The following NT5DC2 variants were observed in gnomAD, a reference collection of about 807,000 sequenced individuals.
NT5DC2 encodes the protein 5'-nucleotidase domain-containing protein 2.
In NT5DC2, 41 loss-of-function variants were observed where a neutral mutation model predicts 70.0. That is an observed-to-expected ratio of 0.59 (90% CI 0.46 to 0.76). The LOEUF (loss-of-function observed/expected upper bound fraction) is 0.76. NT5DC2 is among the 30% of genes least tolerant of loss of function. The pLI, the probability that NT5DC2 is intolerant of heterozygous loss-of-function variation, is 0.00. For missense variants in NT5DC2, 705 were observed against 783.2 expected, an observed-to-expected ratio of 0.90 and a Z score of 1.19; for synonymous variants, 299 against 310.4, an observed-to-expected ratio of 0.96 and a Z score of 0.39.
In NT5DC2 at chr3:52,529,109, C is replaced by T; in HGVS notation, c.417+41G>A. ...AGGCCAAGGTGGGTCTGGCCAGCCTCCAAGCCCTGGGTTTGTTGGTGGCAA... is the reference window on the plus strand; with the variant it reads ...AGGCCAAGGTGGGTCTGGCCAGCCTTCAAGCCCTGGGTTTGTTGGTGGCAA... On this transcript the variant is annotated intron_variant, in intron 2 of 13. Coordinates refer to ENST00000422318, the MANE Select transcript of NT5DC2 (RefSeq NM_001134231.2). The surrounding 1 kb of genome is among the most constrained non-coding windows in gnomAD (Gnocchi z 4.1). 6.2e-7 allele frequency: 1 copy of T among 1,612,756 alleles called. No homozygotes were observed. Among genetic ancestry groups the T allele is most frequent in the Non-Finnish European group, 8.5e-7 (1 of 1,179,064 alleles).
chr3:52,534,717 G>T, upstream of NT5DC2: 4 of 1,552,956 alleles, frequency 2.6e-6, no homozygotes, highest in South Asian at 3.7e-5. Context: ...GGGTCCGGAG[G>T]AGGCCGACCC....
intron 7 of NT5DC2, 32 bp downstream of exon 7, chr3:52,527,981 C>T (rs994188437): frequency 6.2e-7 from 1 of 1,613,172 alleles, no homozygotes; most frequent in Non-Finnish European, 8.5e-7. Flanking sequence ...CCTGCTCAGG[C>T]CGGCCACGGC....
Position 52,524,990 on chromosome 3 carries a change from C to T in NT5DC2, c.1320G>A (p.Ala440=), listed in dbSNP as rs1222591362. 8 of 1,610,700 alleles carry T rather than the reference C, an allele frequency of 5.0e-6. No individual in the cohort carries two copies. The highest frequency in any genetic ancestry group is 1.7e-5 in the Admixed American group (1 of 59,888). The part of the protein sequence containing the change: ...QYMHSLTWQQ[A]LTGLLERMQT... ...GCATGCGCTCCAGCAGCCCCGTGAG[C>T]GCCTGCTGCCACGTCAGCGAGTGCA... The change falls in exon 12 of 14, where the codon GCG becomes GCA. Residue 440 remains alanine (A), a synonymous_variant. Transcript: ENST00000422318.
intron 10 of NT5DC2, 66 bp from the exon 11 acceptor site, chr3:52,525,361 A>G: frequency 7.5e-7 from 1 of 1,325,768 alleles, no homozygotes; most frequent in African/African-American, 1.4e-5. Context: ...CTCCCTCCCG[A>G]ATCCCCAGAG....
intron 1 of NT5DC2, chr3:52,532,177 G>A (rs2153243105): frequency 1.0e-6 from 1 of 985,404 alleles, no homozygotes; most frequent in Non-Finnish European, 1.2e-6. Flanking sequence ...GGATCTTGGT[G>A]GGAATGACTT....
In NT5DC2 at chr3:52,524,980, GC is replaced by G; in HGVS notation, c.1329del (p.Leu444CysfsTer21). 6.2e-7 allele frequency: 1 copy of G among 1,611,268 alleles called. No homozygotes were observed. Among genetic ancestry groups the G allele is most frequent in the South Asian group, 1.1e-5 (1 of 90,972 alleles). On this transcript the variant is annotated frameshift_variant, in exon 12 of 14. Transcript: ENST00000422318. LOFTEE classifies it high-confidence loss of function. The part of the protein sequence containing the change: ...HSLTWQQALT[G>X]LLERMQTYQD... Reference sequence around the variant, plus strand: ...GCCCACACCTGCATGCGCTCCAGCAGCCCCGTGAGCGCCTGCTGCCACGTCA... The same window carrying G: ...GCCCACACCTGCATGCGCTCCAGCAGCCCGTGAGCGCCTGCTGCCACGTCA...
Position 52,524,412 on chromosome 3 carries a change from T to C in NT5DC2, c.*58A>G. ...CAGGGAGGAGACCACTTTTATTGCT[T>C]GTCTGGGTGGATGGGGCAGGAGGGG... is the stretch of plus-strand genomic sequence containing the variant. On this transcript the variant is annotated 3_prime_UTR_variant, in exon 14 of 14. Coordinates refer to ENST00000422318, the MANE Select transcript of NT5DC2 (RefSeq NM_001134231.2). 6.2e-7 allele frequency: 1 copy of C among 1,612,184 alleles called. No homozygotes were observed. The highest frequency in any genetic ancestry group is 1.7e-4 in the Middle Eastern group (1 of 6,060).
At chr3:52,533,906 C>G, upstream of NT5DC2, 3 of 908,488 alleles carry the variant, frequency 3.3e-6, no homozygotes, top group South Asian at 1.5e-4. Flanking sequence ...CCCCTCGGCC[C>G]GGGGGGCGGG....
chr3:52,524,927 C>A (rs1374324299), intron 12 of NT5DC2, 36 bp downstream of exon 12: 1 of 1,612,484 alleles, frequency 6.2e-7, no homozygotes, highest in South Asian at 1.1e-5. Flanking sequence ...CAGGAGGCTA[C>A]CGCCCTGGCC....
upstream of NT5DC2, chr3:52,534,554 G>T: frequency 1.9e-6 from 3 of 1,613,582 alleles, no homozygotes; most frequent in Non-Finnish European, 2.5e-6. Flanking sequence ...CGGTTTCCCG[G>T]CGCACGCCCC....
upstream of NT5DC2, chr3:52,533,983 T>G (rs1346942797): frequency 3.0e-6 from 1 of 332,124 alleles, no homozygotes; most frequent in African/African-American, 2.3e-5. Context: ...CCAGCCAGTC[T>G]CCGGCGCGGT....
intron 10 of NT5DC2, 54 bp from the exon 11 acceptor site, chr3:52,525,349 T>G (rs1340251348): frequency 3.5e-6 from 5 of 1,421,604 alleles, no homozygotes; most frequent in African/African-American, 1.4e-5. Flanking sequence ...CCTCCACCAG[T>G]CCTCCCTCCC....
At chr3:52,533,310 C>G (rs936477588) in intron 1 of NT5DC2, among the ~76,000 whole-genome samples, 196 bp downstream of exon 1, 1 of 152,016 alleles carries the variant, frequency 6.6e-6, no homozygotes, top group Admixed American at 6.5e-5. Context: ...CGCCCGCCCC[C>G]GGGCGTCGGG....
At position 52,533,624 on chromosome 3, in the gene NT5DC2, A is replaced by G. The variant is rs2153246697; in HGVS notation, c.114T>C (p.Gly38=). ...GGACGCCGGGGCAGTGGGCGCCGGG[A>G]CCCGGGGGGCCGCACCCAGGGCAGG... ...SPSCPGCGPP[G]PGAHCPGVPR... is the part of the protein sequence containing the mutation. Residue 38 remains glycine (G), a synonymous_variant, in exon 1 of 14, where the codon GGT becomes GGC. Transcript: ENST00000422318. The G allele has an allele frequency of 8.2e-7, 1 of 1,225,486 alleles. No homozygotes were observed. Among genetic ancestry groups the G allele is most frequent in the Non-Finnish European group, 1.0e-6 (1 of 984,094 alleles). 75.9% of individuals were successfully genotyped at this position (1,225,486 alleles called of 1,614,324 possible).
At position 52,525,058 on chromosome 3, in the gene NT5DC2, C is replaced by T. The variant is rs775925546; in HGVS notation, c.1252G>A (p.Glu418Lys). 37 of 1,586,548 alleles carry T rather than the reference C, an allele frequency of 2.3e-5. No homozygotes were observed. The highest frequency in any genetic ancestry group is 2.7e-5 in the Non-Finnish European group (31 of 1,167,644). ...HGWRTGAIIP[E>K]LEREIRIINT... ...ATGATGCGGATCTCACGCTCCAGCTCGGGGATGATGGCGCCTGTGCGCCAG... is the reference window on the plus strand; with the variant it reads ...ATGATGCGGATCTCACGCTCCAGCTTGGGGATGATGGCGCCTGTGCGCCAG... The change falls in exon 12 of 14, where the codon GAG becomes AAG. Residue 418 changes from glutamate (E) to lysine (K), a missense_variant. Coordinates refer to ENST00000422318, the MANE Select transcript of NT5DC2 (RefSeq NM_001134231.2).
At position 52,525,201 on chromosome 3, in the gene NT5DC2, TC is replaced by T. The variant is rs1448182323; in HGVS notation, c.1206+7del. ...TCCCCCACTGCAGCCCAGCCCTGCCTCCCTCACCGCCAGATCACTATAGAGG... is the reference window on the plus strand; with the variant it reads ...TCCCCCACTGCAGCCCAGCCCTGCCTCCTCACCGCCAGATCACTATAGAGG... On this transcript the variant is annotated splice_region_variant and intron_variant, in intron 11 of 13. Transcript: ENST00000422318. 1 of 1,608,570 alleles carries T rather than the reference TC, an allele frequency of 6.2e-7. No individual in the cohort carries two copies. Among genetic ancestry groups the T allele is most frequent in the Non-Finnish European group, 8.5e-7 (1 of 1,178,050 alleles).
upstream of NT5DC2, chr3:52,534,582 C>CT: frequency 6.2e-7 from 1 of 1,613,852 alleles, no homozygotes; most frequent in Non-Finnish European, 8.5e-7. Flanking sequence ...ATGCTGTGGT[C>CT]TTTTCTAGCA....
intron 11 of NT5DC2, 51 bp downstream of exon 11, chr3:52,525,158 G>T: frequency 6.7e-7 from 1 of 1,482,016 alleles, no homozygotes; most frequent in South Asian, 1.2e-5. Flanking sequence ...GGGCGGGGGG[G>T]GGGGGGTTTC....
At chr3:52,532,918 A>G (rs749735505) in intron 1 of NT5DC2, among the ~76,000 whole-genome samples, 1 of 152,102 alleles carries the variant, frequency 6.6e-6, no homozygotes, top group Non-Finnish European at 1.5e-5. Flanking sequence ...GAGAGCAGGG[A>G]CAGGGAGGTT....
Sources: allele counts gnomAD v4.1 joint callset (sites outside exome capture counted in the v4.1 genomes callset), GRCh38; gene constraint gnomAD v4.1.1; non-coding constraint Gnocchi (gnomAD v3.1); transcripts MANE v1.5; gene names NCBI Gene and HGNC (gene_info 2026-07-23, HGNC 2026-07-21).